Variants in C7orf33 observed in about 807,000 individuals in gnomAD.
The protein encoded by C7orf33 is chromosome 7 open reading frame 33, also known as uncharacterized protein C7orf33.
A neutral mutation model predicts 13.4 loss-of-function variants in C7orf33; 15 were observed. That is an observed-to-expected ratio of 1.12 (90% CI 0.75 to 1.72). C7orf33 has a LOEUF of 1.72. Among genes scored for constraint, C7orf33 ranks in the 40% most tolerant of loss-of-function variants. C7orf33 has a pLI of 0.00. For synonymous variants in C7orf33, 73 were observed against 83.2 expected (o/e 0.88, Z 0.67); for missense variants, 187 against 220.3 (o/e 0.85, Z 0.96).
intron 1 of C7orf33, among the ~76,000 whole-genome samples, chr7:148,608,675 C>T (rs1290323878): frequency 6.6e-6 from 1 of 151,526 alleles, no homozygotes; most frequent in Non-Finnish European, 1.5e-5. Flanking sequence ...ATAAGCCAGG[C>T]GTGGTGGCGC....
chr7:148,611,012 T>C (rs564166529), intron 1 of C7orf33, among the ~76,000 whole-genome samples: 1 of 152,188 alleles, frequency 6.6e-6, no homozygotes, highest in East Asian at 1.9e-4. Context: ...ACTAAGATGG[T>C]ATGGGCAGGA....
At chr7:148,615,296 G>C in intron 2 of C7orf33, 31 bp from the exon 3 acceptor site, 1 of 1,468,992 alleles carries the variant, frequency 6.8e-7, no homozygotes. Context: ...ATCATCCTGA[G>C]ATAACAGAAG....
At chr7:148,595,081 T>G (rs1370076072) in intron 1 of C7orf33, among the ~76,000 whole-genome samples, 10 of 151,450 alleles carry the variant, frequency 6.6e-5, no homozygotes, top group African/African-American at 2.2e-4. Context: ...CCAGGTCAGG[T>G]TTTCTTTTGT....
intron 1 of C7orf33, among the ~76,000 whole-genome samples, chr7:148,598,021 T>C (rs1796362349): frequency 6.6e-6 from 1 of 152,150 alleles, no homozygotes; most frequent in Admixed American, 6.5e-5. Context: ...TCCAAAAGTA[T>C]TGGGATTACA....
chr7:148,591,772 G>T (rs535075844), intron 1 of C7orf33, among the ~76,000 whole-genome samples: 2 of 152,080 alleles, frequency 1.3e-5, no homozygotes, highest in African/African-American at 2.4e-5. Context: ...GTAGAAATGG[G>T]GTCTTGCCAT....
chr7:148,613,987 G>A (rs1417901482), intron 1 of C7orf33, 55 bp from the exon 2 acceptor site: 7 of 1,570,450 alleles, frequency 4.5e-6, no homozygotes, highest in Non-Finnish European at 6.1e-6. Flanking sequence ...GTAGCTTACT[G>A]ATCACCATCT....
rs1420329031 is a variant in C7orf33, at chr7:148,614,101, T to A, written c.264T>A (p.Ala88=). ...TGGAATTTATTGCTCCTGTATCAGC[T>A]CCCACCAAATCTGGTGCCCCGTGGC... The part of the protein sequence containing the change: ...RGMEFIAPVS[A]PTKSGAPWHF... The change falls in exon 2 of 3, where the codon GCT becomes GCA. Residue 88 remains alanine, a synonymous_variant. Transcript: ENST00000307003. The A allele has an allele frequency of 1.2e-6, 2 of 1,614,056 alleles. No individual in the cohort carries two copies. Among genetic ancestry groups the A allele is most frequent in the East Asian group, 4.5e-5 (2 of 44,896 alleles).
chr7:148,594,171 CTT>C lies in C7orf33; in HGVS notation c.204+3060_204+3061del, dbSNP rs940143798. Among the ~76,000 whole-genome samples the C allele has an allele frequency of 8.0e-3, 1,032 of 129,278 alleles. 13 individuals carry two copies. The highest frequency in any genetic ancestry group is 0.029 in the African/African-American group (982 of 34,148). 84.8% of individuals were successfully genotyped at this position (129,278 alleles called of 152,430 possible). On this transcript the variant is annotated intron_variant, in intron 1 of 2. Coordinates refer to ENST00000307003, the MANE Select transcript of C7orf33 (RefSeq NM_145304.4). Reference sequence around the variant, plus strand: ...ACCATGAGCCAATTAAACCTCTTTTCTTTTTTTTTTTTTTTTTTTCTGAGACA... The same window carrying C: ...ACCATGAGCCAATTAAACCTCTTTTCTTTTTTTTTTTTTTTTTCTGAGACA...
intron 1 of C7orf33, among the ~76,000 whole-genome samples, chr7:148,601,797 G>A (rs1796419075): frequency 6.6e-6 from 1 of 151,890 alleles, no homozygotes. Flanking sequence ...GCTCAGGCTA[G>A]AATACAGTGT....
chr7:148,613,395 C>CA, intron 1 of C7orf33, among the ~76,000 whole-genome samples: 1 of 152,216 alleles, frequency 6.6e-6, no homozygotes, highest in African/African-American at 2.4e-5. Flanking sequence ...TCATAATACT[C>CA]AAAAAATGGA....
chr7:148,607,829 C>A (rs1173985143), intron 1 of C7orf33, among the ~76,000 whole-genome samples: 1 of 152,180 alleles, frequency 6.6e-6, no homozygotes, highest in African/African-American at 2.4e-5. Flanking sequence ...CACTTATACT[C>A]TTTTGTATTC....
At chr7:148,615,068 A>G (rs975178356) in intron 2 of C7orf33, among the ~76,000 whole-genome samples, 2 of 152,194 alleles carry the variant, frequency 1.3e-5, no homozygotes, top group South Asian at 4.1e-4. Flanking sequence ...ATTTTTATCT[A>G]TTTACTTATT....
chr7:148,603,125 C>T (rs1796435039), intron 1 of C7orf33, among the ~76,000 whole-genome samples: 1 of 152,200 alleles, frequency 6.6e-6, no homozygotes, highest in Non-Finnish European at 1.5e-5. Flanking sequence ...AGAGCCCACA[C>T]TGAAGCAGTC....
At chr7:148,597,790 C>G (rs1796358104) in intron 1 of C7orf33, among the ~76,000 whole-genome samples, 1 of 150,322 alleles carries the variant, frequency 6.7e-6, no homozygotes, top group Non-Finnish European at 1.5e-5. Context: ...GAATCTCGCA[C>G]TGTCGCCCAG....
At chr7:148,611,907 A>G (rs1167325089) in intron 1 of C7orf33, among the ~76,000 whole-genome samples, 1 of 152,192 alleles carries the variant, frequency 6.6e-6, no homozygotes, top group East Asian at 1.9e-4. Context: ...CAGGGCAACC[A>G]AGCAGGTGAG....
chr7:148,600,591 T>A (rs1796400565), intron 1 of C7orf33, among the ~76,000 whole-genome samples: 1 of 152,206 alleles, frequency 6.6e-6, no homozygotes, highest in Non-Finnish European at 1.5e-5. Flanking sequence ...AAATTTTCAA[T>A]GTTTGTTGTT....
intron 1 of C7orf33, among the ~76,000 whole-genome samples, chr7:148,609,895 C>A (rs1796515825): frequency 2.6e-5 from 4 of 152,150 alleles, no homozygotes; most frequent in African/African-American, 4.8e-5. Context: ...GGAGTCTTCG[C>A]TGAGTAGGAG....
intron 1 of C7orf33, among the ~76,000 whole-genome samples, chr7:148,597,730 ATTTGTTTTGTTTTGT>A (rs60207753): frequency 0.015 from 2,232 of 148,622 alleles, 36 homozygotes; most frequent in African/African-American, 0.04. Context: ...CTTCCTCTGC[ATTTGTTTTGTTTTGT>A]TTTGTTTTGT....
Position 148,615,535 on chromosome 7 carries a change from C to A in C7orf33, c.*134C>A. 3 of 595,260 alleles carry A rather than the reference C, an allele frequency of 5.0e-6. No homozygotes were observed. The highest frequency in any genetic ancestry group is 9.1e-6 in the Non-Finnish European group (3 of 328,486). 36.9% of individuals were successfully genotyped at this position (595,260 alleles called of 1,614,324 possible). A position where few individuals can be genotyped will look rare whatever the true frequency, so the allele number is the denominator to read the frequency against. On this transcript the variant is annotated 3_prime_UTR_variant, in exon 3 of 3. Transcript: ENST00000307003. ...AAAACTTGGTAATCTGAAGTCTGAA[C>A]TTTGAACACCAGCAGACAGGCTGAG...
Sources: gnomAD v4.1 joint callset for allele counts (sites outside exome capture counted in the v4.1 genomes callset) on GRCh38, gnomAD v4.1.1 for gene constraint, MANE v1.5 for transcripts, NCBI Gene and HGNC (gene_info 2026-07-23, HGNC 2026-07-21) for gene names.